SDHB: variants seen among roughly 807,000 people sequenced by gnomAD.
SDHB encodes succinate dehydrogenase complex iron sulfur subunit B, also known as succinate dehydrogenase [ubiquinone] iron-sulfur subunit, mitochondrial.
Under a neutral mutation model 39.7 loss-of-function variants are expected in SDHB, and 21 were observed. That is an observed-to-expected ratio of 0.53 (90% CI 0.37 to 0.76). SDHB has a LOEUF of 0.76. Among genes scored for constraint, SDHB ranks in the 30% least tolerant of loss-of-function variants. The probability of loss-of-function intolerance (pLI) is 0.00; values close to 1 mark genes in which losing one functional copy is unlikely to be tolerated. For synonymous variants in SDHB, 118 were observed against 117.0 expected (o/e 1.01, Z -0.06); for missense variants, 343 against 350.9 (o/e 0.98, Z 0.18).
At chr1:17,032,848 T>C in intron 3 of SDHB, 1 of 618,814 alleles carries the variant, frequency 1.6e-6, no homozygotes. Context: ...CAGGATAGAA[T>C]GCTCCTGAAG....
At chr1:17,047,130 C>T (rs1012827432) in intron 1 of SDHB, among the ~76,000 whole-genome samples, 4 of 151,944 alleles carry the variant, frequency 2.6e-5, no homozygotes, top group South Asian at 2.1e-4. Flanking sequence ...CCAAGACAGA[C>T]GAATCACTTG....
Position 17,022,716 on chromosome 1 carries a change from C to T in SDHB, c.657G>A (p.Met219Ile). The stretch of plus-strand genomic sequence containing the variant: ...CTGTGAAGTCATCTCTGGAGTCAAT[C>T]ATCCAGCGATAGGCCTGGAAAACCA... ...PAVLMQAYRW[M>I]IDSRDDFTEE... The change falls in exon 7 of 8, where the codon ATG (methionine) becomes ATA (isoleucine). Residue 219 changes from methionine (M) to isoleucine (I), a missense_variant. By Grantham distance (10) the Met-to-Ile change is conservative. Transcript: ENST00000375499. 1 of 1,613,788 alleles carries T rather than the reference C, an allele frequency of 6.2e-7. No homozygotes were observed. Among genetic ancestry groups the T allele is most frequent in the Non-Finnish European group, 8.5e-7 (1 of 1,179,774 alleles).
intron 5 of SDHB, among the ~76,000 whole-genome samples, chr1:17,026,211 T>C (rs2077990250): frequency 6.6e-6 from 1 of 152,166 alleles, no homozygotes; most frequent in African/African-American, 2.4e-5. Flanking sequence ...TGCACAAGAC[T>C]CTGGGAGGTA....
intron 4 of SDHB, 27 bp downstream of exon 4, chr1:17,028,573 C>T: frequency 6.2e-7 from 1 of 1,613,470 alleles, no homozygotes. Flanking sequence ...CAAATAAAAA[C>T]AAAACCAGAG....
At chr1:17,036,387 T>C (rs2078050357) in intron 2 of SDHB, among the ~76,000 whole-genome samples, 1 of 152,026 alleles carries the variant, frequency 6.6e-6, no homozygotes, top group African/African-American at 2.4e-5. Context: ...CACAGCTCAC[T>C]GCAGGTTTGA....
At chr1:17,049,319 GGA>G (rs2078131636) in intron 1 of SDHB, among the ~76,000 whole-genome samples, 1 of 149,822 alleles carries the variant, frequency 6.7e-6, no homozygotes. Flanking sequence ...TTTCTTTTTT[GGA>G]GAGTCTCATT....
chr1:17,023,243 T>C (rs1386103915), intron 6 of SDHB: 5 of 259,842 alleles, frequency 1.9e-5, no homozygotes, highest in Admixed American at 1.0e-4. Context: ...CACATGACCA[T>C]AGGCCTGCTC....
intron 5 of SDHB, among the ~76,000 whole-genome samples, chr1:17,026,351 G>C (rs1489838403): frequency 6.6e-6 from 1 of 151,032 alleles, no homozygotes; most frequent in South Asian, 2.1e-4. Context: ...CACTTACTAG[G>C]ACTCCCCTTT....
chr1:17,042,128 G>A (rs2746465), intron 2 of SDHB, among the ~76,000 whole-genome samples: 15,830 of 151,934 alleles, frequency 0.1, 962 homozygotes, highest in African/African-American at 0.17. Context: ...CACCATGTCG[G>A]CCTGCTTTGG....
At chr1:17,039,396 T>C (rs1463729213) in intron 2 of SDHB, among the ~76,000 whole-genome samples, 3 of 123,066 alleles carry the variant, frequency 2.4e-5, no homozygotes, top group African/African-American at 6.3e-5. Context: ...GTGGGCAACA[T>C]AGTGAGACCC....
In SDHB at chr1:17,031,531, T is replaced by C. The variant is rs1165630132; in HGVS notation, c.286+1529A>G. 2.0e-5 allele frequency among the ~76,000 whole-genome samples: 3 copies of C among 152,188 alleles called. No individual in the cohort carries two copies. In the East Asian group the frequency reaches 5.8e-4, roughly 29 times the overall value. ...CCTTTCCTGTGTTGCCAGGACTTAA[T>C]GGGGAAGGCTGCTGTTTAACTGCCG... On this transcript the variant is annotated intron_variant, in intron 3 of 7. Transcript: ENST00000375499.
intron 1 of SDHB, among the ~76,000 whole-genome samples, chr1:17,051,662 G>C (rs764004005): frequency 3.5e-5 from 5 of 143,492 alleles, no homozygotes; most frequent in Non-Finnish European, 7.5e-5. Flanking sequence ...TAAAGGGTGG[G>C]TAGTATTAAT....
At chr1:17,038,243 TGA>T (rs2078060858) in intron 2 of SDHB, among the ~76,000 whole-genome samples, 1 of 152,238 alleles carries the variant, frequency 6.6e-6, no homozygotes, top group South Asian at 2.1e-4. Flanking sequence ...ATGTTATCTA[TGA>T]GAGACAGTTT....
chr1:17,044,831 T>C lies in SDHB; in HGVS notation c.130A>G (p.Ile44Val), dbSNP rs200418115. 2.2e-5 allele frequency: 36 copies of C among 1,614,050 alleles called. 1 individual carries two copies. The highest frequency in any genetic ancestry group is 3.0e-5 in the Non-Finnish European group (35 of 1,180,022). ...GCCTTGTCTGGGTCCCATCGATAGA[T>C]GGCAAATTTCTTGATACGGGGAGCT... ...ATAPRIKKFAIYRWDPDKAGD... is the reference protein window; with the variant it reads ...ATAPRIKKFAVYRWDPDKAGD... The change falls in exon 2 of 8, where the codon ATC becomes GTC. Residue 44 changes from isoleucine to valine, a missense_variant. Physicochemically the swap from Ile to Val is conservative, Grantham distance 29. Coordinates refer to ENST00000375499, the MANE Select transcript of SDHB (RefSeq NM_003000.3).
intron 1 of SDHB, among the ~76,000 whole-genome samples, chr1:17,048,908 A>G (rs988336629): frequency 6.6e-6 from 1 of 152,000 alleles, no homozygotes; most frequent in African/African-American, 2.4e-5. Context: ...ACGGGGTTTC[A>G]CCATGTTGGC....
intron 2 of SDHB, among the ~76,000 whole-genome samples, chr1:17,035,068 A>T (rs1375906827): frequency 6.6e-6 from 1 of 152,096 alleles, no homozygotes; most frequent in Non-Finnish European, 1.5e-5. Flanking sequence ...TCATGATCTG[A>T]GGCTCTTATA....
At chr1:17,030,144 G>A (rs2078014742) in intron 3 of SDHB, among the ~76,000 whole-genome samples, 1 of 152,074 alleles carries the variant, frequency 6.6e-6, no homozygotes, top group African/African-American at 2.4e-5. Flanking sequence ...AGCAGAGATC[G>A]CGCCACTGCA....
chr1:17,019,764 C>A (rs1199697392), intron 7 of SDHB, among the ~76,000 whole-genome samples: 2 of 152,098 alleles, frequency 1.3e-5, no homozygotes, highest in Admixed American at 6.6e-5. Context: ...ATTTTTTTGA[C>A]AGGGTCTTGC....
At chr1:17,045,029 C>A in intron 1 of SDHB, 141 bp from the exon 2 acceptor site, 1 of 741,652 alleles carries the variant, frequency 1.3e-6, no homozygotes, top group East Asian at 2.7e-5. Flanking sequence ...GGCAGGCATT[C>A]AATATCCAAC....
Sources: allele counts gnomAD v4.1 joint callset (sites outside exome capture counted in the v4.1 genomes callset), GRCh38; gene constraint gnomAD v4.1.1; transcripts MANE v1.5; gene names NCBI Gene and HGNC (gene_info 2026-07-23, HGNC 2026-07-21).